Variants in AFG1L observed in about 807,000 individuals in gnomAD.
AFG1L encodes AFG1-like ATPase.
In AFG1L, 53 loss-of-function variants were observed where a neutral mutation model predicts 62.2. The observed-to-expected ratio is 0.85, with a 90% CI of 0.68 to 1.07. The LOEUF is 1.07. Among genes scored for constraint, AFG1L ranks in the 50% least tolerant of loss-of-function variants. AFG1L has a pLI of 0.00. For synonymous variants in AFG1L, 228 were observed against 210.3 expected (o/e 1.08, Z -0.73); for missense variants, 555 against 590.5 (o/e 0.94, Z 0.62).
At chr6:108,461,222 G>A (rs1772451899) in intron 8 of AFG1L, among the ~76,000 whole-genome samples, 1 of 152,138 alleles carries the variant, frequency 6.6e-6, no homozygotes, top group South Asian at 2.1e-4. Context: ...ATCAGTAATG[G>A]TAATGAATCT....
intron 6 of AFG1L, among the ~76,000 whole-genome samples, chr6:108,375,177 T>C (rs1780191441): frequency 6.6e-6 from 1 of 152,188 alleles, no homozygotes; most frequent in Non-Finnish European, 1.5e-5. Context: ...ATATTGATTT[T>C]GGTATCCTGA....
intron 5 of AFG1L, among the ~76,000 whole-genome samples, chr6:108,358,225 ATTACTAGCCTT>A (rs1299296080): frequency 2.0e-5 from 3 of 152,214 alleles, no homozygotes; most frequent in Non-Finnish European, 4.4e-5. Context: ...TTGATTTTCC[ATTACTAGCCTT>A]TTAACCAAAT....
chr6:108,412,243 C>G (rs1782152060), intron 7 of AFG1L, among the ~76,000 whole-genome samples: 4 of 152,164 alleles, frequency 2.6e-5, no homozygotes, highest in Admixed American at 2.6e-4. Context: ...CAAACAAAGC[C>G]TCCAAGAAAT....
intron 6 of AFG1L, among the ~76,000 whole-genome samples, chr6:108,369,756 C>T (rs1039471350): frequency 5.3e-5 from 8 of 152,138 alleles, no homozygotes; most frequent in Admixed American, 6.5e-5. Flanking sequence ...TTACAGGCAC[C>T]CACCACCATG....
intron 1 of AFG1L, among the ~76,000 whole-genome samples, chr6:108,305,336 T>C (rs1265581363): frequency 6.6e-6 from 1 of 152,216 alleles, no homozygotes; most frequent in Non-Finnish European, 1.5e-5. Flanking sequence ...CTCCTGGACT[T>C]CACTACCTTT....
At chr6:108,486,974 G>C (rs542531958) in intron 10 of AFG1L, among the ~76,000 whole-genome samples, 1 of 152,222 alleles carries the variant, frequency 6.6e-6, no homozygotes, top group African/African-American at 2.4e-5. Context: ...CAAAGTGTTG[G>C]GATTGTGGGC....
intron 1 of AFG1L, chr6:108,318,319 C>A: frequency 5.0e-6 from 2 of 399,366 alleles, no homozygotes; most frequent in South Asian, 2.3e-5. Context: ...AGCCCAACTG[C>A]AGATCTAAGA....
chr6:108,423,497 A>G (rs1770687899), intron 7 of AFG1L, among the ~76,000 whole-genome samples: 1 of 152,088 alleles, frequency 6.6e-6, no homozygotes, highest in Non-Finnish European at 1.5e-5. Flanking sequence ...GATATCTAAG[A>G]AATCTTCTTC....
chr6:108,361,296 C>T (rs1214607915), intron 5 of AFG1L, among the ~76,000 whole-genome samples: 1 of 152,190 alleles, frequency 6.6e-6, no homozygotes, highest in Non-Finnish European at 1.5e-5. Context: ...GACCCTGGTT[C>T]TTCAGATGGA....
intron 5 of AFG1L, among the ~76,000 whole-genome samples, chr6:108,362,059 AAACT>A (rs1282672484): frequency 6.6e-6 from 1 of 152,188 alleles, no homozygotes; most frequent in East Asian, 1.9e-4. Flanking sequence ...TACCAAATGA[AAACT>A]GTGGAAGTGG....
chr6:108,454,408 A>G (rs1056242187), intron 8 of AFG1L, among the ~76,000 whole-genome samples: 1 of 152,202 alleles, frequency 6.6e-6, no homozygotes, highest in Non-Finnish European at 1.5e-5. Context: ...GGTGACAAAG[A>G]TAGCACCTGA....
chr6:108,481,277 C>T (rs981382111), intron 10 of AFG1L, among the ~76,000 whole-genome samples: 16 of 152,194 alleles, frequency 1.1e-4, no homozygotes, highest in Non-Finnish European at 2.9e-5. Context: ...GTGGACATGA[C>T]ATGAGCTTTC....
intron 2 of AFG1L, among the ~76,000 whole-genome samples, chr6:108,340,948 A>C (rs577296484): frequency 6.6e-6 from 1 of 152,258 alleles, no homozygotes; most frequent in East Asian, 1.9e-4. Flanking sequence ...AGTGAAATGT[A>C]GTTTTGCTTA....
intron 3 of AFG1L, among the ~76,000 whole-genome samples, chr6:108,352,596 T>G (rs147228821): frequency 6.4e-4 from 98 of 152,352 alleles, no homozygotes; most frequent in African/African-American, 2.2e-3. Context: ...AGGGTCTCGC[T>G]CTGTCGCCCA....
intron 8 of AFG1L, among the ~76,000 whole-genome samples, chr6:108,463,880 T>G (rs2114785092): frequency 6.6e-6 from 1 of 152,292 alleles, no homozygotes; most frequent in African/African-American, 2.4e-5. Context: ...TAAACCAACT[T>G]AATTTTAGAC....
chr6:108,521,303 G>C (rs1175732489), intron 12 of AFG1L: 1 of 152,004 alleles, frequency 6.6e-6, no homozygotes, highest in African/African-American at 2.4e-5. Flanking sequence ...TGGGCAACAT[G>C]GTGAAACACC....
chr6:108,515,764 A>G (rs1425465163), intron 11 of AFG1L, among the ~76,000 whole-genome samples: 4 of 152,200 alleles, frequency 2.6e-5, no homozygotes, highest in Non-Finnish European at 4.4e-5. Context: ...CAAGACTAAT[A>G]AAGAAGAAAA....
At chr6:108,377,756 AG>A (rs1370040777) in intron 6 of AFG1L, among the ~76,000 whole-genome samples, 2 of 150,810 alleles carry the variant, frequency 1.3e-5, no homozygotes, top group African/African-American at 4.9e-5. Flanking sequence ...AGTATCTTGC[AG>A]GTGTTCTCTG....
intron 10 of AFG1L, among the ~76,000 whole-genome samples, chr6:108,482,200 C>CT: frequency 6.6e-6 from 1 of 151,306 alleles, no homozygotes; most frequent in African/African-American, 2.4e-5. Context: ...ATAACCAATG[C>CT]TTGCTCTTAC....
Sources: gnomAD v4.1 joint callset for allele counts (sites outside exome capture counted in the v4.1 genomes callset) on GRCh38, gnomAD v4.1.1 for gene constraint, MANE v1.5 for transcripts, NCBI Gene and HGNC (gene_info 2026-07-23, HGNC 2026-07-21) for gene names.